Variants in MIER1 observed in about 807,000 individuals in gnomAD.
MIER1 encodes the protein mesoderm induction early response protein 1.
A neutral mutation model predicts 75.7 loss-of-function variants in MIER1; 40 were observed. The ratio of observed to expected loss-of-function variants is 0.53; its 90% CI spans 0.41 to 0.69. MIER1 has a LOEUF of 0.69. Ranked by LOEUF, MIER1 falls within the 30% of genes least tolerant of loss-of-function variation. MIER1 has a pLI of 0.00. For missense variants in MIER1, 574 were observed against 680.2 expected (o/e 0.84, Z 1.74); for synonymous variants, 213 against 223.4 (o/e 0.95, Z 0.42).
chr1:66,962,507 A>C (rs956520580), intron 7 of MIER1, among the ~76,000 whole-genome samples: 1 of 152,050 alleles, frequency 6.6e-6, no homozygotes, highest in African/African-American at 2.4e-5. Flanking sequence ...GTGGGACCTG[A>C]GCATTTGCAT....
intron 4 of MIER1, among the ~76,000 whole-genome samples, chr1:66,951,364 A>G (rs1658901186): frequency 6.6e-6 from 1 of 152,028 alleles, no homozygotes; most frequent in Non-Finnish European, 1.5e-5. Context: ...CCTGTGTGCA[A>G]GCAGTCCTCC....
chr1:66,967,644 ATTTT>A (rs34847834), intron 8 of MIER1, among the ~76,000 whole-genome samples: 6 of 142,730 alleles, frequency 4.2e-5, no homozygotes, highest in African/African-American at 1.3e-4. Context: ...ATATCATTCC[ATTTT>A]TTTTTTTTTT....
intron 12 of MIER1, among the ~76,000 whole-genome samples, chr1:66,981,537 A>G (rs1444238140): frequency 6.6e-6 from 1 of 152,174 alleles, no homozygotes; most frequent in African/African-American, 2.4e-5. Context: ...ACAAGCTTTA[A>G]AATTTCCTAT....
At chr1:66,936,237 T>G (rs1291031637) in intron 2 of MIER1, among the ~76,000 whole-genome samples, 5 of 151,828 alleles carry the variant, frequency 3.3e-5, no homozygotes, top group Non-Finnish European at 7.4e-5. Flanking sequence ...TTTGTTTTTG[T>G]TTTTTTTGAG....
At chr1:66,965,763 A>G (rs1362962318) in intron 8 of MIER1, among the ~76,000 whole-genome samples, 1 of 152,076 alleles carries the variant, frequency 6.6e-6, no homozygotes, top group African/African-American at 2.4e-5. Context: ...TACTCATTCT[A>G]TTTTTTTGTA....
At chr1:66,951,845 TTAACC>T (rs1333060611) in intron 4 of MIER1, among the ~76,000 whole-genome samples, 1 of 152,204 alleles carries the variant, frequency 6.6e-6, no homozygotes, top group Non-Finnish European at 1.5e-5. Flanking sequence ...TGCTGTATAC[TTAACC>T]TGACGTTAGA....
chr1:66,984,597 A>G lies in MIER1; in HGVS notation c.1395A>G (p.Glu465=). The stretch of plus-strand genomic sequence containing the variant: ...GAGTGTCATCTAATGGACCAGGTGA[A>G]ATATTAAACAAAGAGGAAGTAAAAG... ...QNGVSSNGPG[E]ILNKEEVKVE... is the part of the protein sequence containing the mutation. The change falls in exon 14 of 14, where the codon GAA becomes GAG. Residue 465 remains glutamate (E), a synonymous_variant. Coordinates refer to ENST00000401041, the MANE Select transcript of MIER1 (RefSeq NM_001077700.3). 1 of 1,604,944 alleles carries G rather than the reference A, an allele frequency of 6.2e-7. No individual in the cohort carries two copies. The highest frequency in any genetic ancestry group is 8.5e-7 in the Non-Finnish European group (1 of 1,177,186).
intron 3 of MIER1, among the ~76,000 whole-genome samples, chr1:66,943,737 G>A (rs1255188428): frequency 1.3e-5 from 2 of 152,004 alleles, no homozygotes; most frequent in Non-Finnish European, 2.9e-5. Context: ...AATATTTTCT[G>A]GTGCTTCTGA....
At chr1:66,964,093 CAG>C (rs949850989) in intron 8 of MIER1, among the ~76,000 whole-genome samples, 31 of 142,568 alleles carry the variant, frequency 2.2e-4, no homozygotes, top group African/African-American at 7.8e-4. Flanking sequence ...TTTTTTGAGA[CAG>C]AGTCTTGCTC....
intron 11 of MIER1, among the ~76,000 whole-genome samples, chr1:66,976,298 G>A (rs969112101): frequency 6.6e-6 from 1 of 152,272 alleles, no homozygotes; most frequent in Non-Finnish European, 1.5e-5. Flanking sequence ...CACCGTGCCC[G>A]GCCAACTTCC....
At chr1:66,936,522 C>T (rs1412510918) in intron 2 of MIER1, among the ~76,000 whole-genome samples, 3 of 152,120 alleles carry the variant, frequency 2.0e-5, no homozygotes, top group East Asian at 3.9e-4. Flanking sequence ...CGTGAGCCAC[C>T]GTGCCCACCT....
At chr1:66,928,806 T>C in intron 2 of MIER1, 1 of 807,156 alleles carries the variant, frequency 1.2e-6, no homozygotes, top group Admixed American at 2.4e-5. Context: ...TACTGTACAG[T>C]ACAGTTAATG....
At chr1:66,974,530 G>A (rs1377604206) in intron 11 of MIER1, among the ~76,000 whole-genome samples, 1 of 151,914 alleles carries the variant, frequency 6.6e-6, no homozygotes, top group African/African-American at 2.4e-5. Flanking sequence ...CCCCTGGAAT[G>A]ATAGCTTATG....
rs1660771691 is a variant in MIER1 at position 66,959,304 on chromosome 1, CTT to C, written c.634+322_634+323del. 2.0e-5 allele frequency among the ~76,000 whole-genome samples: 3 copies of C among 151,958 alleles called. No individual in the cohort carries two copies. In the South Asian group the frequency reaches 6.2e-4, roughly 31 times the overall value. On this transcript the variant is annotated intron_variant, in intron 6 of 13. Transcript: ENST00000401041. ...TTTCCATTTTTTACTTTCTTTGCCTCTTAGCCTTTTTTAGGTATATTCATAAA... is the reference window on the plus strand; with the variant it reads ...TTTCCATTTTTTACTTTCTTTGCCTCAGCCTTTTTTAGGTATATTCATAAA...
intron 10 of MIER1, 59 bp downstream of exon 10, chr1:66,971,795 C>A: frequency 1.1e-6 from 1 of 890,102 alleles, no homozygotes; most frequent in African/African-American, 1.7e-5. Context: ...TTAAGCTTTT[C>A]AGTTTACCTA....
chr1:66,960,631 T>C (rs1014313609), intron 7 of MIER1, among the ~76,000 whole-genome samples: 36 of 152,122 alleles, frequency 2.4e-4, no homozygotes, highest in Non-Finnish European at 4.9e-4. Context: ...CTGGGCAACA[T>C]AGTGAGACCC....
rs3924795 is a variant in MIER1 at position 66,986,799 on chromosome 1, G to A, written c.*1899G>A. ...AACTTTTAATTTATCCAGAATGGCA[G>A]TAGCTTTAGCAAGCAGATGGTCACA... On this transcript the variant is annotated 3_prime_UTR_variant, in exon 14 of 14. Transcript: ENST00000401041. 18,408 of 201,572 alleles carry A rather than the reference G, an allele frequency of 0.091. 1,689 individuals are homozygous for A. Among genetic ancestry groups the A allele is most frequent in the African/African-American group, 0.31 (13,571 of 43,142 alleles). The allele number at this position is 201,572 out of a possible 1,614,324, so 12.5% of individuals were successfully genotyped here. A position where few individuals can be genotyped will look rare whatever the true frequency, so the allele number is the denominator to read the frequency against.
At chr1:66,969,545 CAAAAAAAAAAAAA>C (rs35924256) in intron 8 of MIER1, among the ~76,000 whole-genome samples, 654 of 63,582 alleles carry the variant, frequency 0.01, 7 homozygotes, top group African/African-American at 0.034. Context: ...ACTTCGTCTC[CAAAAAAAAAAAAA>C]AAAAAAAAAA....
intron 12 of MIER1, among the ~76,000 whole-genome samples, chr1:66,977,903 G>A (rs1665052031): frequency 6.6e-6 from 1 of 151,846 alleles, no homozygotes; most frequent in Non-Finnish European, 1.5e-5. Context: ...AATTACCTTC[G>A]AAAGATGTGC....
Sources: gnomAD v4.1 joint callset for allele counts (sites outside exome capture counted in the v4.1 genomes callset) on GRCh38, gnomAD v4.1.1 for gene constraint, MANE v1.5 for transcripts, NCBI Gene and HGNC (gene_info 2026-07-23, HGNC 2026-07-21) for gene names.